CERT1: variants seen among roughly 807,000 people sequenced by gnomAD.
The protein encoded by CERT1 is ceramide transporter 1, also known as ceramide transfer protein.
In CERT1, 31 loss-of-function variants were observed where a neutral mutation model predicts 87.9. The observed-to-expected ratio is 0.35, with a 90% CI of 0.27 to 0.48. The LOEUF (loss-of-function observed/expected upper bound fraction) is 0.48. Ranked by LOEUF, CERT1 falls within the 20% of genes least tolerant of loss-of-function variation. The pLI is 0.99. For missense variants in CERT1, 487 were observed against 758.0 expected (o/e 0.64, Z 4.20); for synonymous variants, 289 against 250.9 (o/e 1.15, Z -1.44).
chr5:75,500,726 A>C (rs886245408), intron 2 of CERT1, among the ~76,000 whole-genome samples: 1 of 152,190 alleles, frequency 6.6e-6, no homozygotes, highest in Non-Finnish European at 1.5e-5. Flanking sequence ...GAAAAACTGC[A>C]CACTTGAGAA....
At chr5:75,454,700 C>T (rs1764902773) in intron 3 of CERT1, among the ~76,000 whole-genome samples, 1 of 152,170 alleles carries the variant, frequency 6.6e-6, no homozygotes, top group Admixed American at 6.5e-5. Context: ...GATCCTCTTA[C>T]AACTACACAA....
chr5:75,511,124 C>A lies in CERT1; in HGVS notation c.84G>T (p.Gly28=), dbSNP rs150201400. Residue 28 remains glycine (G), a synonymous_variant, in exon 1 of 17, where the codon GGG becomes GGT. Transcript: ENST00000643780. The part of the protein sequence containing the change: ...TESGPPVERC[G]VLSKWTNYIH... ...AGGGGTTGCTCACCTTACTGAGGAC[C>A]CCGCAGCGCTCCACAGGCGGCCCAG... 5.5e-4 allele frequency: 876 copies of A among 1,591,032 alleles called. 2 individuals are homozygous for A. The highest frequency in any genetic ancestry group is 8.7e-4 in the Admixed American group (50 of 57,526).
chr5:75,374,615 G>A, downstream of CERT1: 1 of 675,766 alleles, frequency 1.5e-6, no homozygotes, highest in South Asian at 1.4e-5. Flanking sequence ...CAGCAGTCAG[G>A]GACATTTCCG....
At chr5:75,449,695 C>G (rs1213993772) in intron 3 of CERT1, among the ~76,000 whole-genome samples, 2 of 147,044 alleles carry the variant, frequency 1.4e-5, no homozygotes, top group East Asian at 4.1e-4. Flanking sequence ...CTCACCAACA[C>G]TTGGTGGTGG....
chr5:75,498,579 C>G (rs542444617), intron 2 of CERT1, among the ~76,000 whole-genome samples: 32 of 152,370 alleles, frequency 2.1e-4, no homozygotes, highest in Non-Finnish European at 5.9e-5. Context: ...AGCCCCAAGC[C>G]TTGGCGGCTT....
At position 75,508,330 on chromosome 5, in the gene CERT1, G is replaced by A. The variant is rs530261229; in HGVS notation, c.97-2214C>T. Among the ~76,000 whole-genome samples the A allele has an allele frequency of 2.1e-3, 314 of 152,310 alleles. 1 individual carries two copies. The East Asian group carries it at 0.027, about 13-fold the overall frequency. ...ACAGTGCCTGGACATAGTATTTTCT[G>A]AATCTGAGGAAGAGTTATACATAGC... On this transcript the variant is annotated intron_variant, in intron 1 of 16. Transcript: ENST00000643780.
intron 3 of CERT1, among the ~76,000 whole-genome samples, chr5:75,457,170 A>C (rs555419584): frequency 6.6e-6 from 1 of 152,298 alleles, no homozygotes; most frequent in South Asian, 2.1e-4. Flanking sequence ...CCTAACGTAA[A>C]ACTCTTCATC....
chr5:75,426,166 A>G (rs1480284053), intron 4 of CERT1, among the ~76,000 whole-genome samples: 2 of 152,202 alleles, frequency 1.3e-5, no homozygotes, highest in Non-Finnish European at 2.9e-5. Context: ...TACCTCATTA[A>G]TGAATGAATG....
chr5:75,378,814 CAA>C lies in CERT1; in HGVS notation c.*530_*531del, dbSNP rs1761433019. 1 of 152,124 alleles carries C rather than the reference CAA, an allele frequency of 6.6e-6. No individual in the cohort carries two copies. The highest frequency in any genetic ancestry group is 2.4e-5 in the African/African-American group (1 of 41,414). The allele number at this position is 152,124 out of a possible 1,614,324, so 9.4% of individuals were successfully genotyped here. A position where few individuals can be genotyped will look rare whatever the true frequency, so the allele number is the denominator to read the frequency against. ...CTACAATTCTACAGTTCTATAATATCAAAATTTCTTTACATAAGCATTAGAAG... is the reference window on the plus strand; with the variant it reads ...CTACAATTCTACAGTTCTATAATATCAATTTCTTTACATAAGCATTAGAAG... On this transcript the variant is annotated 3_prime_UTR_variant, in exon 17 of 17. Coordinates refer to ENST00000643780, the MANE Select transcript of CERT1 (RefSeq NM_001379029.1).
chr5:75,471,318 T>C (rs181516782), intron 2 of CERT1, among the ~76,000 whole-genome samples: 57 of 152,300 alleles, frequency 3.7e-4, no homozygotes, highest in Non-Finnish European at 6.0e-4. Context: ...TACTGAATAC[T>C]TTAGACAATT....
Position 75,381,986 on chromosome 5 carries a change from A to T in CERT1, c.1580T>A (p.Ile527Lys). The change falls in exon 15 of 17, where the codon ATA becomes AAA. Residue 527 changes from isoleucine (I) to lysine (K), a missense_variant. Ile to Lys is a moderately radical substitution (Grantham distance 102). Around this residue, in one of 8 missense-constraint regions of CERT1, gnomAD observed 147 missense variants for 200.8 expected, o/e 0.73. Coordinates refer to ENST00000643780, the MANE Select transcript of CERT1 (RefSeq NM_001379029.1). Reference sequence around the variant, plus strand: ...ATGATCCACAGAAAAATTACAAACTATCCAAGTTTCAGGGTCATTTTCAGT... The same window carrying T: ...ATGATCCACAGAAAAATTACAAACTTTCCAAGTTTCAGGGTCATTTTCAGT... Reference protein sequence around the residue: ...ALTENDPETWIVCNFSVDHDS... With the variant: ...ALTENDPETWKVCNFSVDHDS... 6.2e-7 allele frequency: 1 copy of T among 1,613,904 alleles called. No homozygotes were observed. Among genetic ancestry groups the T allele is most frequent in the South Asian group, 1.1e-5 (1 of 91,074 alleles).
intron 2 of CERT1, among the ~76,000 whole-genome samples, chr5:75,495,041 T>C (rs1205074442): frequency 6.6e-6 from 1 of 152,216 alleles, no homozygotes; most frequent in Non-Finnish European, 1.5e-5. Context: ...ACATTATCAC[T>C]TTACAGACTG....
rs1761443898 is a variant in CERT1, at chr5:75,379,034, C to T, written c.*312G>A. 4.9e-6 allele frequency: 1 copy of T among 202,036 alleles called. No homozygotes were observed. The highest frequency in any genetic ancestry group is 1.2e-4 in the South Asian group (1 of 8,092). The allele number at this position is 202,036 out of a possible 1,614,324, so 12.5% of individuals were successfully genotyped here. A position where few individuals can be genotyped will look rare whatever the true frequency, so the allele number is the denominator to read the frequency against. On this transcript the variant is annotated 3_prime_UTR_variant, in exon 17 of 17. Coordinates refer to ENST00000643780, the MANE Select transcript of CERT1 (RefSeq NM_001379029.1). The stretch of plus-strand genomic sequence containing the variant: ...ATCTCTACAAAAAATAAAAAATTAG[C>T]TGAGCATGGTGGCACATGCCTGTGG...
intron 8 of CERT1, among the ~76,000 whole-genome samples, chr5:75,403,943 G>A (rs1762603536): frequency 6.6e-6 from 1 of 152,186 alleles, no homozygotes; most frequent in Admixed American, 6.5e-5. Context: ...ATCAACATAT[G>A]TTCCTGCTGT....
chr5:75,477,449 GCTCATGAAAGA>G (rs1766006413), intron 2 of CERT1, among the ~76,000 whole-genome samples: 1 of 151,656 alleles, frequency 6.6e-6, no homozygotes, highest in Non-Finnish European at 1.5e-5. Context: ...CTACATCCCA[GCTCATGAAAGA>G]CATGAACTAT....
intron 2 of CERT1, among the ~76,000 whole-genome samples, chr5:75,504,753 T>A (rs1767575383): frequency 1.1e-5 from 1 of 93,932 alleles, no homozygotes; most frequent in African/African-American, 3.5e-5. Flanking sequence ...AGCCAACACT[T>A]TTTTTTTTTT....
chr5:75,506,164 A>G lies in CERT1; in HGVS notation c.97-48T>C, dbSNP rs181118972. On this transcript the variant is annotated intron_variant, in intron 1 of 16. Coordinates refer to ENST00000643780, the MANE Select transcript of CERT1 (RefSeq NM_001379029.1). Reference sequence around the variant, plus strand: ...AAGAGAGAAGAAAACAAAAAATAGAAGTATTTTAGAAATCCAAACTTTGTG... The same window carrying G: ...AAGAGAGAAGAAAACAAAAAATAGAGGTATTTTAGAAATCCAAACTTTGTG... 90 of 1,573,356 alleles carry G rather than the reference A, an allele frequency of 5.7e-5. No individual in the cohort carries two copies. The African/African-American group carries it at 1.1e-3, about 18-fold the overall frequency.
chr5:75,441,785 C>G (rs1233756074), intron 3 of CERT1, among the ~76,000 whole-genome samples: 1 of 152,296 alleles, frequency 6.6e-6, no homozygotes, highest in Non-Finnish European at 1.5e-5. Context: ...AATGGATATA[C>G]CACATTTTGC....
intron 5 of CERT1, 74 bp downstream of exon 5, chr5:75,425,287 A>T: frequency 7.0e-7 from 1 of 1,432,224 alleles, no homozygotes; most frequent in South Asian, 1.3e-5. Flanking sequence ...ACTTAAAGAC[A>T]TTACCCTTTG....
Sources: gnomAD v4.1 joint callset for allele counts (sites outside exome capture counted in the v4.1 genomes callset) on GRCh38, gnomAD v4.1.1 for gene constraint, gnomAD v4.1.1 regional missense constraint, MANE v1.5 for transcripts, NCBI Gene and HGNC (gene_info 2026-07-23, HGNC 2026-07-21) for gene names.